The following NRXN3 variants were observed in gnomAD, a reference collection of about 807,000 sequenced individuals.
The protein encoded by NRXN3 is neurexin III.
A neutral mutation model predicts 137.6 loss-of-function variants in NRXN3; 32 were observed. The observed-to-expected ratio is 0.23, with a 90% CI of 0.18 to 0.31. The LOEUF (loss-of-function observed/expected upper bound fraction) is 0.31. Among genes scored for constraint, NRXN3 ranks in the 10% least tolerant of loss-of-function variants. The pLI, the probability that NRXN3 is intolerant of heterozygous loss-of-function variation, is 1.00. For synonymous variants in NRXN3, 798 were observed against 784.5 expected, an observed-to-expected ratio of 1.02 and a Z score of -0.29; for missense variants, 1,574 against 2,062.5, an observed-to-expected ratio of 0.76 and a Z score of 4.59.
At chr14:79,467,773 C>T (rs1391046082) in intron 16 of NRXN3, among the ~76,000 whole-genome samples, 1 of 152,126 alleles carries the variant, frequency 6.6e-6, no homozygotes, top group Admixed American at 6.5e-5. Flanking sequence ...ATCTCCTAGG[C>T]TGGGATTTGG....
At chr14:79,487,309 A>C (rs534881662) in intron 16 of NRXN3, among the ~76,000 whole-genome samples, 2 of 152,220 alleles carry the variant, frequency 1.3e-5, no homozygotes, top group South Asian at 4.2e-4. Context: ...ATATCACTGC[A>C]TCGCATTTCA....
chr14:78,459,926 G>A (rs2094871554), intron 4 of NRXN3, among the ~76,000 whole-genome samples: 1 of 152,074 alleles, frequency 6.6e-6, no homozygotes, highest in South Asian at 2.1e-4. Flanking sequence ...CCCACAAGAC[G>A]GTCCTCCACT....
At chr14:79,007,558 C>T (rs1458242620) in intron 15 of NRXN3, among the ~76,000 whole-genome samples, 1 of 151,516 alleles carries the variant, frequency 6.6e-6, no homozygotes, top group Non-Finnish European at 1.5e-5. Flanking sequence ...GCAATTCCAG[C>T]ACTTTGGGAG....
intron 16 of NRXN3, among the ~76,000 whole-genome samples, chr14:79,615,146 T>C (rs2098141212): frequency 6.6e-6 from 1 of 152,214 alleles, no homozygotes; most frequent in Admixed American, 6.5e-5. Flanking sequence ...ATATATTCTG[T>C]GGACACTGAC....
At chr14:79,032,634 G>A (rs1284121146) in intron 15 of NRXN3, among the ~76,000 whole-genome samples, 2 of 152,132 alleles carry the variant, frequency 1.3e-5, no homozygotes, top group Non-Finnish European at 2.9e-5. Flanking sequence ...CTGACTTCTA[G>A]GCATTCATCT....
intron 4 of NRXN3, among the ~76,000 whole-genome samples, chr14:78,483,981 T>TACACAC (rs71979335): frequency 0.061 from 7,449 of 122,912 alleles, 210 homozygotes; most frequent in Non-Finnish European, 0.086. Flanking sequence ...GGGATGCTCT[T>TACACAC]ACACACACAC....
intron 4 of NRXN3, among the ~76,000 whole-genome samples, chr14:78,523,816 CAAAAAAAAAAAAAAAA>C (rs56083130): frequency 4.9e-5 from 3 of 61,604 alleles, no homozygotes; most frequent in Admixed American, 1.7e-4. Context: ...GACTCTGTCT[CAAAAAAAAAAAAAAAA>C]AAAAAAAAAA....
chr14:78,993,009 T>C lies in NRXN3; in HGVS notation c.3262+4868T>C, dbSNP rs553042477. Among the ~76,000 whole-genome samples, 9 of 152,290 alleles carry C rather than the reference T, an allele frequency of 5.9e-5. 1 individual carries two copies. The South Asian group carries it at 1.9e-3, about 32-fold the overall frequency. ...TGGTCACACACTGCAGGATGCCTGTTGGAGAAATTCCTAGGTTCACACTGG... is the reference window on the plus strand; with the variant it reads ...TGGTCACACACTGCAGGATGCCTGTCGGAGAAATTCCTAGGTTCACACTGG... On this transcript the variant is annotated intron_variant, in intron 15 of 20. Coordinates refer to ENST00000335750, the MANE Select transcript of NRXN3 (RefSeq NM_001330195.2).
chr14:79,539,123 G>A (rs754191465), intron 16 of NRXN3, among the ~76,000 whole-genome samples: 27 of 152,110 alleles, frequency 1.8e-4, no homozygotes, highest in Non-Finnish European at 2.2e-4. Flanking sequence ...GCAGTGGCAC[G>A]ATCTTGGCTC....
rs190710445 is a variant in NRXN3 at position 78,590,405 on chromosome 14, G to C, written c.758-54715G>C. 5.3e-5 allele frequency among the ~76,000 whole-genome samples: 8 copies of C among 152,268 alleles called. No homozygotes were observed. In the East Asian group the frequency reaches 1.2e-3, roughly 22 times the overall value. On this transcript the variant is annotated intron_variant, in intron 4 of 20. Transcript: ENST00000335750. ...GAGCAGACCAATATCTTCTGTAAAT[G>C]ACTGGATATTCCAGGGAATACTTTC...
intron 4 of NRXN3, among the ~76,000 whole-genome samples, chr14:78,502,788 CA>C (rs2095904457): frequency 1.3e-5 from 2 of 152,246 alleles, no homozygotes; most frequent in South Asian, 4.1e-4. Flanking sequence ...TTGGAAATTT[CA>C]AAGTGCTCAA....
chr14:78,356,221 C>T lies in NRXN3; in HGVS notation c.757+58361C>T, dbSNP rs76746435. Among the ~76,000 whole-genome samples the T allele has an allele frequency of 8.4e-3, 1,276 of 152,316 alleles. 42 individuals carry two copies. The East Asian group carries it at 0.085, about 10-fold the overall frequency. ...CTGGATCCTAACTTTCTGGATATTACGTAGATGTGATTTATCCAGGGTCAC... is the reference window on the plus strand; with the variant it reads ...CTGGATCCTAACTTTCTGGATATTATGTAGATGTGATTTATCCAGGGTCAC... On this transcript the variant is annotated intron_variant, in intron 4 of 20. Transcript: ENST00000335750.
chr14:78,416,340 A>C (rs529163397), intron 4 of NRXN3, among the ~76,000 whole-genome samples: 123 of 152,294 alleles, frequency 8.1e-4, no homozygotes, highest in Non-Finnish European at 1.2e-3. Context: ...GCTTCAGTTG[A>C]GCCCTGAATA....
intron 19 of NRXN3, among the ~76,000 whole-genome samples, chr14:79,771,738 C>A (rs1216327310): frequency 2.4e-3 from 234 of 98,350 alleles, no homozygotes; most frequent in African/African-American, 9.4e-3. Flanking sequence ...CCCTCTCTCA[C>A]CACTCCTATT....
At chr14:79,356,393 C>G (rs2093423769) in intron 15 of NRXN3, among the ~76,000 whole-genome samples, 1 of 152,154 alleles carries the variant, frequency 6.6e-6, no homozygotes, top group South Asian at 2.1e-4. Context: ...TAAACTCTTG[C>G]TTTTCCTGGA....
intron 19 of NRXN3, among the ~76,000 whole-genome samples, chr14:79,748,442 G>C (rs1489458473): frequency 6.6e-6 from 1 of 152,074 alleles, no homozygotes; most frequent in Admixed American, 6.6e-5. Context: ...AAGAGATAGA[G>C]ATGTTCCATG....
In NRXN3 at chr14:79,861,566, A is replaced by G. The variant is rs1413614460; in HGVS notation, c.4318A>G (p.Ile1440Val). The G allele has an allele frequency of 6.3e-6, 10 of 1,592,886 alleles. No homozygotes were observed. Among genetic ancestry groups the G allele is most frequent in the Non-Finnish European group, 7.7e-6 (9 of 1,170,448 alleles). ...CCGTGATCTCAAACCCCAGCCTGAT[A>G]TAGTCTTGCTTCCGTTGCCCACTGC... ...NNRDLKPQPD[I>V]VLLPLPTAYE... The change falls in exon 21 of 21, where the codon ATA becomes GTA. Residue 1440 changes from isoleucine to valine, a missense_variant. Transcript: ENST00000335750. This position sits in a 1 kb window ranked among gnomAD's most constrained non-coding sequence, Gnocchi z 5.4.
chr14:78,462,152 C>T (rs541820287), intron 4 of NRXN3, among the ~76,000 whole-genome samples: 1 of 152,148 alleles, frequency 6.6e-6, no homozygotes, highest in East Asian at 1.9e-4. Context: ...AGGAAGGAAG[C>T]CCGGCTTCCT....
chr14:78,723,489 T>A (rs2098469529), intron 8 of NRXN3, among the ~76,000 whole-genome samples: 1 of 152,210 alleles, frequency 6.6e-6, no homozygotes, highest in African/African-American at 2.4e-5. Flanking sequence ...TGGGAGATTC[T>A]TAGGAGGAGT....
Sources: allele counts gnomAD v4.1 joint callset (sites outside exome capture counted in the v4.1 genomes callset), GRCh38; gene constraint gnomAD v4.1.1; non-coding constraint Gnocchi (gnomAD v3.1); transcripts MANE v1.5; gene names NCBI Gene and HGNC (gene_info 2026-07-23, HGNC 2026-07-21).